The following PRSS23 variants were observed in gnomAD, a reference collection of about 807,000 sequenced individuals.
The protein encoded by PRSS23 is protease, serine 23.
In PRSS23, 25 loss-of-function variants were observed where a neutral mutation model predicts 34.7. The observed-to-expected ratio is 0.72, with a 90% CI of 0.53 to 1.01. The LOEUF is 1.01. PRSS23 is among the 50% of genes least tolerant of loss of function. PRSS23 has a pLI of 0.00. For synonymous variants in PRSS23, 176 were observed against 186.6 expected (o/e 0.94, Z 0.46); for missense variants, 445 against 475.6 (o/e 0.94, Z 0.60).
At chr11:86,802,974 A>G (rs74795238) in intron 1 of PRSS23, among the ~76,000 whole-genome samples, 3,047 of 152,330 alleles carry the variant, frequency 0.02, 51 homozygotes, top group Middle Eastern at 0.071. Context: ...TGTGTAACCT[A>G]TTTATGAATC....
chr11:86,794,084 A>G (rs1173847619), intron 1 of PRSS23, among the ~76,000 whole-genome samples: 2 of 152,262 alleles, frequency 1.3e-5, no homozygotes, highest in South Asian at 2.1e-4. Context: ...CAGACCCCAC[A>G]CTGAACCACA....
chr11:86,831,285 G>C (rs1948353325), intron 2 of PRSS23, among the ~76,000 whole-genome samples: 1 of 151,292 alleles, frequency 6.6e-6, no homozygotes, highest in African/African-American at 2.4e-5. Context: ...TATCCTAAGG[G>C]AATATTACTC....
downstream of PRSS23, among the ~76,000 whole-genome samples, chr11:86,815,761 G>A (rs1231465638): frequency 6.6e-6 from 1 of 152,116 alleles, no homozygotes; most frequent in Non-Finnish European, 1.5e-5. Context: ...TCATGACTTA[G>A]CCTGTCATGA....
At chr11:86,869,714 C>T (rs1948672205) in intron 2 of PRSS23, among the ~76,000 whole-genome samples, 1 of 152,186 alleles carries the variant, frequency 6.6e-6, no homozygotes, top group African/African-American at 2.4e-5. Context: ...ATAGTGCTCA[C>T]CACCACCAAC....
At chr11:86,892,865 C>A (rs557134668) in intron 2 of PRSS23, among the ~76,000 whole-genome samples, 8 of 152,080 alleles carry the variant, frequency 5.3e-5, no homozygotes, top group Non-Finnish European at 1.2e-4. Context: ...ATAAGAAAAA[C>A]AATTCACACC....
intron 2 of PRSS23, among the ~76,000 whole-genome samples, chr11:86,830,749 T>C (rs1948348281): frequency 6.6e-6 from 1 of 152,140 alleles, no homozygotes; most frequent in Non-Finnish European, 1.5e-5. Context: ...CACAGAGGTG[T>C]ACACCCTTTA....
At chr11:86,857,702 CAAAG>C (rs1266464082) in intron 2 of PRSS23, 2 of 642,372 alleles carry the variant, frequency 3.1e-6, no homozygotes, top group African/African-American at 1.9e-5. Context: ...GCAAAAAGGA[CAAAG>C]AAAGACATCT....
At chr11:86,907,786 G>A (rs1244966806) in intron 2 of PRSS23, among the ~76,000 whole-genome samples, 2 of 152,144 alleles carry the variant, frequency 1.3e-5, no homozygotes, top group African/African-American at 2.4e-5. Context: ...GCATAGTGCC[G>A]TCGTTTTAAC....
In PRSS23 at chr11:86,952,197, T is replaced by C. The variant is rs1949299874; in HGVS notation, c.*912T>C. 4 of 1,613,534 alleles carry C rather than the reference T, an allele frequency of 2.5e-6. No homozygotes were observed. The highest frequency in any genetic ancestry group is 3.4e-6 in the Non-Finnish European group (4 of 1,179,560). On this transcript the variant is annotated 3_prime_UTR_variant, in exon 3 of 3. Transcript: ENST00000533902. ...TTCACCCAGATGTACTGATCAGAAT[T>C]GGTTCCCACAGAGTGACACTCTTCC...
chr11:86,930,069 A>G (rs1949113546), intron 2 of PRSS23, among the ~76,000 whole-genome samples: 1 of 152,028 alleles, frequency 6.6e-6, no homozygotes, highest in Admixed American at 6.6e-5. Flanking sequence ...CTATAATAGT[A>G]TTAGTTATAG....
chr11:86,829,295 A>G lies in PRSS23; in HGVS notation c.206+5702A>G, dbSNP rs536042421. 4.1e-4 allele frequency among the ~76,000 whole-genome samples: 63 copies of G among 152,276 alleles called. 1 individual carries two copies. Among genetic ancestry groups the G allele is most frequent in the Admixed American group, 3.5e-3 (53 of 15,286 alleles). ...TTCAAGTTGATCACATCGGCTCCTG[A>G]GGCTTCTGCATTCTTCATGTAGTTC... On this transcript the variant is annotated intron_variant, in intron 2 of 2. Coordinates refer to the PRSS23 transcript ENST00000533902.
intron 2 of PRSS23, chr11:86,950,117 C>G (rs1590942330): frequency 6.5e-6 from 1 of 152,702 alleles, no homozygotes; most frequent in African/African-American, 2.4e-5. Context: ...GTAATTGACA[C>G]ACAAAAATTA....
intron 2 of PRSS23, chr11:86,921,216 G>A (rs1265858301): frequency 1.3e-5 from 2 of 152,110 alleles, no homozygotes; most frequent in African/African-American, 4.8e-5. Flanking sequence ...CAACTAGTGA[G>A]GTCTCAGCTT....
At position 86,826,217 on chromosome 11, in the gene PRSS23, T is replaced by C. The variant is rs536917612; in HGVS notation, c.206+2624T>C. On this transcript the variant is annotated intron_variant, in intron 2 of 2. Transcript: ENST00000533902. Reference sequence around the variant, plus strand: ...TCACGTCCCTTGTAAGTTGGATTCCTAGGTATTTTATTCTCTTTGAAGCAA... The same window carrying C: ...TCACGTCCCTTGTAAGTTGGATTCCCAGGTATTTTATTCTCTTTGAAGCAA... Among the ~76,000 whole-genome samples the C allele has an allele frequency of 2.9e-3, 434 of 151,876 alleles. 9 individuals are homozygous for C. The highest frequency in any genetic ancestry group is 0.01 in the Middle Eastern group (3 of 294).
At chr11:86,895,193 G>T (rs1157628686) in intron 2 of PRSS23, among the ~76,000 whole-genome samples, 1 of 152,112 alleles carries the variant, frequency 6.6e-6, no homozygotes, top group African/African-American at 2.4e-5. Flanking sequence ...GGACAGTATG[G>T]CATATTAGAA....
rs950371670 is a variant in PRSS23 at position 86,808,874 on chromosome 11, G to A, written c.*79G>A. 2.5e-6 allele frequency: 3 copies of A among 1,199,998 alleles called. No homozygotes were observed. The highest frequency in any genetic ancestry group is 3.6e-6 in the Non-Finnish European group (3 of 841,202). The allele number at this position is 1,199,998 out of a possible 1,614,324, so 74.3% of individuals were successfully genotyped here. On this transcript the variant is annotated 3_prime_UTR_variant, in exon 2 of 2. Transcript: ENST00000280258. ...GAGGCCAAATTGTTTTTTGTCATTG[G>A]CGTGCACACGTGTGTGTGTGTGTGT...
At chr11:86,916,949 G>A (rs1295588776) in intron 2 of PRSS23, among the ~76,000 whole-genome samples, 2 of 152,296 alleles carry the variant, frequency 1.3e-5, no homozygotes, top group East Asian at 1.9e-4. Context: ...CAGCACCGAG[G>A]CTCAGTTCAT....
intron 1 of PRSS23, among the ~76,000 whole-genome samples, chr11:86,793,256 ACTAC>A (rs1947962546): frequency 6.6e-6 from 1 of 151,964 alleles, no homozygotes; most frequent in Non-Finnish European, 1.5e-5. Context: ...TCCATATTTA[ACTAC>A]CTTTTTTTAC....
At chr11:86,917,274 G>A (rs1017880623) in intron 2 of PRSS23, among the ~76,000 whole-genome samples, 1 of 152,352 alleles carries the variant, frequency 6.6e-6, no homozygotes, top group East Asian at 1.9e-4. Context: ...AGCTGAGATT[G>A]TGCCATTGCA....
Sources: gnomAD v4.1 joint callset for allele counts (sites outside exome capture counted in the v4.1 genomes callset) on GRCh38, gnomAD v4.1.1 for gene constraint, MANE v1.5 for transcripts, NCBI Gene and HGNC (gene_info 2026-07-23, HGNC 2026-07-21) for gene names.